The following RSU1 variants were observed in gnomAD, a reference collection of about 807,000 sequenced individuals.
The protein encoded by RSU1 is Ras suppressor protein 1.
RSU1 carries 26 observed loss-of-function variants against 31.1 expected under a neutral mutation model. The ratio of observed to expected loss-of-function variants is 0.84; its 90% CI spans 0.61 to 1.16. The LOEUF (loss-of-function observed/expected upper bound fraction) is 1.16. Ranked by LOEUF, RSU1 falls within the 50% of genes most tolerant of loss-of-function variation. The pLI is 0.00. For missense variants in RSU1, 320 were observed against 339.1 expected (o/e 0.94, Z 0.44); for synonymous variants, 164 against 136.3 (o/e 1.20, Z -1.41).
At chr10:16,635,062 G>A (rs1363608519) in intron 8 of RSU1, among the ~76,000 whole-genome samples, 1 of 152,132 alleles carries the variant, frequency 6.6e-6, no homozygotes, top group Non-Finnish European at 1.5e-5. Flanking sequence ...GAAAACGGAC[G>A]TCCATAAATG....
chr10:16,816,804 G>C (rs1361744999), intron 2 of RSU1, among the ~76,000 whole-genome samples, 169 bp downstream of exon 2: 1 of 152,212 alleles, frequency 6.6e-6, no homozygotes, highest in Non-Finnish European at 1.5e-5. Flanking sequence ...AGGTGGAACA[G>C]AACAAATCCT....
intron 7 of RSU1, among the ~76,000 whole-genome samples, chr10:16,740,416 A>G (rs1264243374): frequency 6.6e-6 from 1 of 152,232 alleles, no homozygotes; most frequent in Non-Finnish European, 1.5e-5. Context: ...GAATGACTGG[A>G]TGCTTTCCCC....
intron 8 of RSU1, among the ~76,000 whole-genome samples, chr10:16,604,405 T>TG (rs1012398700): frequency 1.3e-5 from 2 of 152,138 alleles, no homozygotes; most frequent in African/African-American, 4.8e-5. Flanking sequence ...GACCAGCGGC[T>TG]GTGAGTTCTG....
At chr10:16,707,234 A>G (rs560206457) in intron 7 of RSU1, among the ~76,000 whole-genome samples, 3 of 152,280 alleles carry the variant, frequency 2.0e-5, no homozygotes, top group East Asian at 1.9e-4. Flanking sequence ...TCAACATAGT[A>G]ATTTCTTTTG....
At chr10:16,707,684 A>G (rs1835934915) in intron 7 of RSU1, among the ~76,000 whole-genome samples, 1 of 152,014 alleles carries the variant, frequency 6.6e-6, no homozygotes, top group Non-Finnish European at 1.5e-5. Flanking sequence ...CACTCCGTCA[A>G]TAGCTTCCTT....
At chr10:16,648,132 A>ATTTTTTTTTTT (rs1554763091) in intron 8 of RSU1, among the ~76,000 whole-genome samples, 73 of 133,526 alleles carry the variant, frequency 5.5e-4, no homozygotes, top group African/African-American at 2.5e-3. Context: ...AAAAAAAAAA[A>ATTTTTTTTTTT]TTTTTTTTTT....
intron 8 of RSU1, among the ~76,000 whole-genome samples, chr10:16,650,462 C>T (rs1014091735): frequency 1.3e-5 from 2 of 151,732 alleles, no homozygotes; most frequent in African/African-American, 4.8e-5. Flanking sequence ...ATGATAAAGG[C>T]ATCTTTTGAG....
chr10:16,754,546 CTTTT>C (rs11311165), intron 5 of RSU1, among the ~76,000 whole-genome samples: 2 of 134,490 alleles, frequency 1.5e-5, no homozygotes, highest in African/African-American at 5.5e-5. Context: ...TAGGAAGATA[CTTTT>C]TTTTTTTTTT....
chr10:16,692,219 A>G (rs1201862317), intron 8 of RSU1, among the ~76,000 whole-genome samples: 2 of 152,224 alleles, frequency 1.3e-5, no homozygotes, highest in Non-Finnish European at 2.9e-5. Flanking sequence ...CAATTATGTT[A>G]TAGATACCTC....
chr10:16,599,750 G>A (rs1465860011), intron 8 of RSU1, among the ~76,000 whole-genome samples: 2 of 152,242 alleles, frequency 1.3e-5, no homozygotes, highest in Admixed American at 6.5e-5. Context: ...CAGGCTACCA[G>A]GGCCAACTCC....
chr10:16,597,972 C>T lies in RSU1; in HGVS notation c.732-4476G>A, dbSNP rs1053259224. ...CGTTTTCACAGGGATGTGGCTATGG[C>T]AGTGGCGGTGCAGTCACAACAAGCT... is the stretch of plus-strand genomic sequence containing the variant. On this transcript the variant is annotated intron_variant, in intron 8 of 8. Transcript: ENST00000345264. Among the ~76,000 whole-genome samples the T allele has an allele frequency of 2.0e-5, 3 of 152,198 alleles. No individual in the cohort carries two copies. The South Asian group carries it at 6.2e-4, about 31-fold the overall frequency.
intron 8 of RSU1, among the ~76,000 whole-genome samples, chr10:16,614,383 G>C (rs1833941349): frequency 6.6e-6 from 1 of 151,870 alleles, no homozygotes. Flanking sequence ...AGGGGGCTGG[G>C]AGGAAAAGTA....
chr10:16,795,440 T>A (rs962918030), intron 2 of RSU1, among the ~76,000 whole-genome samples: 1 of 151,802 alleles, frequency 6.6e-6, no homozygotes, highest in Non-Finnish European at 1.5e-5. Flanking sequence ...AAAACATGAC[T>A]GGCACAGTTC....
In RSU1 at chr10:16,764,382, A is replaced by C. The variant is rs751188092; in HGVS notation, c.281+8T>G. The C allele has an allele frequency of 2.5e-6, 4 of 1,609,682 alleles. No homozygotes were observed. Among genetic ancestry groups the C allele is most frequent in the South Asian group, 1.1e-5 (1 of 90,232 alleles). ...CCTCTCCATCCTTTCCGCTCCACTG[A>C]TACTCACCCAAGGTTCAGGTGTTTG... On this transcript the variant is annotated splice_region_variant and intron_variant, in intron 4 of 8. Coordinates refer to ENST00000345264, the MANE Select transcript of RSU1 (RefSeq NM_012425.4).
intron 7 of RSU1, among the ~76,000 whole-genome samples, chr10:16,735,684 C>G (rs1384762662): frequency 1.3e-5 from 2 of 152,074 alleles, no homozygotes. Context: ...GCAAACATGT[C>G]CTTCTTCACG....
At chr10:16,790,641 T>C (rs946589393) in intron 2 of RSU1, among the ~76,000 whole-genome samples, 1 of 152,168 alleles carries the variant, frequency 6.6e-6, no homozygotes, top group African/African-American at 2.4e-5. Flanking sequence ...TCTGGCTCTG[T>C]GTCCCCTCCT....
intron 2 of RSU1, among the ~76,000 whole-genome samples, chr10:16,789,704 G>A (rs45589139): frequency 0.18 from 28,049 of 152,112 alleles, 2,654 homozygotes; most frequent in African/African-American, 0.22. Context: ...CTTGCTGACC[G>A]TAATCACACC....
rs535599697 is a variant in RSU1 at position 16,716,847 on chromosome 10, C to T, written c.599-21692G>A. 3.7e-5 allele frequency among the ~76,000 whole-genome samples: 5 copies of T among 134,536 alleles called. No individual in the cohort carries two copies. The South Asian group carries it at 1.1e-3, about 29-fold the overall frequency. 88.3% of individuals were successfully genotyped at this position (134,536 alleles called of 152,430 possible). On this transcript the variant is annotated intron_variant, in intron 7 of 8. Coordinates refer to ENST00000345264, the MANE Select transcript of RSU1 (RefSeq NM_012425.4). ...GATACCTTCATAGGAGACAAGAGGT[C>T]AAACAAATACAGACTGATTTCATCA...
chr10:16,672,165 C>A (rs1835119069), intron 8 of RSU1, among the ~76,000 whole-genome samples: 1 of 150,236 alleles, frequency 6.7e-6, no homozygotes, highest in African/African-American at 2.5e-5. Context: ...AAAAAATTAG[C>A]CAGGCGTGGT....
Sources: gnomAD v4.1 joint callset for allele counts (sites outside exome capture counted in the v4.1 genomes callset) on GRCh38, gnomAD v4.1.1 for gene constraint, MANE v1.5 for transcripts, NCBI Gene and HGNC (gene_info 2026-07-23, HGNC 2026-07-21) for gene names.